Variants in STX8 observed in about 807,000 individuals in gnomAD.
The protein encoded by STX8 is syntaxin 8, also known as syntaxin-8.
A neutral mutation model predicts 37.5 loss-of-function variants in STX8; 23 were observed. The observed-to-expected ratio is 0.61, with a 90% CI of 0.44 to 0.87. The LOEUF is 0.87. Ranked by LOEUF, STX8 falls within the 40% of genes least tolerant of loss-of-function variation. The pLI, the probability that STX8 is intolerant of heterozygous loss-of-function variation, is 0.00. For synonymous variants in STX8, 115 were observed against 99.1 expected (o/e 1.16, Z -0.95); for missense variants, 313 against 284.7 (o/e 1.10, Z -0.71).
chr17:9,457,919 A>G (rs1181880787), intron 6 of STX8, among the ~76,000 whole-genome samples: 1 of 152,208 alleles, frequency 6.6e-6, no homozygotes, highest in Admixed American at 6.5e-5. Flanking sequence ...TGTGATTGGC[A>G]TAGGATAAGA....
intron 7 of STX8, among the ~76,000 whole-genome samples, chr17:9,346,930 C>G (rs1449663515): frequency 6.6e-6 from 1 of 152,046 alleles, no homozygotes; most frequent in Admixed American, 6.6e-5. Flanking sequence ...GAGTTCGAGA[C>G]CAACCTGATC....
chr17:9,527,984 C>T (rs1905647010), intron 4 of STX8, among the ~76,000 whole-genome samples: 1 of 152,148 alleles, frequency 6.6e-6, no homozygotes, highest in Admixed American at 6.5e-5. Context: ...TGGGGAGTGG[C>T]TGGAAAAATG....
At chr17:9,551,481 A>G (rs972381759) in intron 3 of STX8, among the ~76,000 whole-genome samples, 3 of 152,208 alleles carry the variant, frequency 2.0e-5, no homozygotes, top group Non-Finnish European at 2.9e-5. Context: ...AGGACTTAGT[A>G]TATGTGAAGC....
At chr17:9,558,131 C>T (rs554566611) in intron 2 of STX8, among the ~76,000 whole-genome samples, 7 of 152,056 alleles carry the variant, frequency 4.6e-5, no homozygotes, top group Non-Finnish European at 8.8e-5. Flanking sequence ...AATTTTTGTC[C>T]GTGACTCTAA....
intron 6 of STX8, among the ~76,000 whole-genome samples, chr17:9,456,589 A>G (rs1409119534): frequency 1.3e-5 from 2 of 152,142 alleles, no homozygotes; most frequent in African/African-American, 4.8e-5. Flanking sequence ...GAGCCATCCT[A>G]AATTAGGAAA....
chr17:9,294,510 G>A (rs575568181), intron 7 of STX8, among the ~76,000 whole-genome samples: 36 of 152,314 alleles, frequency 2.4e-4, no homozygotes, highest in Admixed American at 3.3e-4. Context: ...AGCTTTGGCA[G>A]TCTTACACTC....
chr17:9,444,858 C>T (rs970228825), intron 6 of STX8, among the ~76,000 whole-genome samples: 4 of 152,182 alleles, frequency 2.6e-5, no homozygotes, highest in African/African-American at 7.2e-5. Context: ...TTGAAACAGA[C>T]TCTTTCTTTC....
chr17:9,451,696 G>A (rs1905045561), intron 6 of STX8, among the ~76,000 whole-genome samples: 2 of 151,926 alleles, frequency 1.3e-5, no homozygotes, highest in Admixed American at 6.6e-5. Flanking sequence ...TACCCAAGTT[G>A]CTAGATTTTT....
At chr17:9,552,685 C>T (rs1217631991) in intron 3 of STX8, 2 of 148,668 alleles carry the variant, frequency 1.3e-5, no homozygotes, top group Admixed American at 6.7e-5. Context: ...CGGAGTCTCG[C>T]TCTTTTGCCC....
chr17:9,345,848 C>CTTTCTTTTTTTTTTT (rs1555599095), intron 7 of STX8, among the ~76,000 whole-genome samples: 1 of 52,076 alleles, frequency 1.9e-5, no homozygotes, highest in African/African-American at 6.8e-5. Context: ...TTATGCATTC[C>CTTTCTTTTTTTTTTT]TTTTTTTTTT....
chr17:9,540,308 C>G (rs1373871816), intron 4 of STX8, among the ~76,000 whole-genome samples: 1 of 152,170 alleles, frequency 6.6e-6, no homozygotes, highest in Non-Finnish European at 1.5e-5. Flanking sequence ...TCTCATGGCC[C>G]TTGAGCAGAT....
intron 2 of STX8, among the ~76,000 whole-genome samples, chr17:9,563,186 T>C (rs1907316967): frequency 6.6e-6 from 1 of 150,926 alleles, no homozygotes; most frequent in Non-Finnish European, 1.5e-5. Flanking sequence ...TATTTATTTA[T>C]TTATTTATTT....
At chr17:9,418,864 G>A (rs1288331550) in intron 6 of STX8, among the ~76,000 whole-genome samples, 1 of 144,968 alleles carries the variant, frequency 6.9e-6, no homozygotes. Context: ...GGGAGGGAGA[G>A]GAACATTTGA....
chr17:9,319,540 C>T (rs769454911), intron 7 of STX8, among the ~76,000 whole-genome samples: 132 of 152,158 alleles, frequency 8.7e-4, no homozygotes, highest in Non-Finnish European at 1.4e-3. Context: ...TCATTTGATT[C>T]AACAGGAAAC....
intron 7 of STX8, among the ~76,000 whole-genome samples, chr17:9,292,409 G>T (rs1453841388): frequency 6.6e-6 from 1 of 152,208 alleles, no homozygotes; most frequent in African/African-American, 2.4e-5. Context: ...TGGGTTCCCA[G>T]TTCAGAGATT....
intron 7 of STX8, among the ~76,000 whole-genome samples, chr17:9,369,098 T>G (rs1435952149): frequency 6.6e-6 from 1 of 152,172 alleles, no homozygotes; most frequent in African/African-American, 2.4e-5. Flanking sequence ...ATCTACATTT[T>G]TAGCTCCAGT....
At chr17:9,473,880 C>A (rs535743028) in intron 6 of STX8, among the ~76,000 whole-genome samples, 1 of 152,112 alleles carries the variant, frequency 6.6e-6, no homozygotes, top group African/African-American at 2.4e-5. Flanking sequence ...CATCTATGAA[C>A]ACATCAGATA....
At chr17:9,301,777 C>T (rs192582033) in intron 7 of STX8, among the ~76,000 whole-genome samples, 3 of 152,146 alleles carry the variant, frequency 2.0e-5, no homozygotes, top group East Asian at 3.9e-4. Flanking sequence ...GCATGAGCCA[C>T]GGCGCCCGGC....
intron 6 of STX8, among the ~76,000 whole-genome samples, chr17:9,456,833 A>G (rs1438807565): frequency 6.6e-6 from 1 of 152,142 alleles, no homozygotes; most frequent in Non-Finnish European, 1.5e-5. Flanking sequence ...GTTCTAAGTT[A>G]TTACACTTAC....
Sources: allele counts gnomAD v4.1 joint callset (sites outside exome capture counted in the v4.1 genomes callset), GRCh38; gene constraint gnomAD v4.1.1; transcripts MANE v1.5; gene names NCBI Gene and HGNC (gene_info 2026-07-23, HGNC 2026-07-21).